The following WDR7 variants were observed in gnomAD, a reference collection of about 807,000 sequenced individuals.
The protein encoded by WDR7 is WD repeat-containing protein 7.
In WDR7, 46 loss-of-function variants were observed where a neutral mutation model predicts 169.4. The ratio of observed to expected loss-of-function variants is 0.27; its 90% CI spans 0.21 to 0.35. WDR7 has a LOEUF of 0.35. Among genes scored for constraint, WDR7 ranks in the 10% least tolerant of loss-of-function variants. WDR7 has a pLI of 1.00. For synonymous variants in WDR7, 612 were observed against 666.8 expected (o/e 0.92, Z 1.27); for missense variants, 1,534 against 1,859.3 (o/e 0.83, Z 3.22).
intron 1 of WDR7, among the ~76,000 whole-genome samples, chr18:56,667,641 A>G (rs2025052323): frequency 1.3e-5 from 2 of 152,204 alleles, no homozygotes; most frequent in South Asian, 4.1e-4. Flanking sequence ...AATAATGCCC[A>G]TCCTTTACTT....
chr18:56,930,710 T>C (rs1164833500), intron 22 of WDR7, among the ~76,000 whole-genome samples: 2 of 152,188 alleles, frequency 1.3e-5, no homozygotes, highest in Non-Finnish European at 2.9e-5. Flanking sequence ...ATACATTAAG[T>C]ATGTGTTTTT....
At chr18:56,798,145 C>G (rs12327451) in intron 19 of WDR7, among the ~76,000 whole-genome samples, 11,430 of 152,166 alleles carry the variant, frequency 0.075, 1,058 homozygotes, top group African/African-American at 0.22. Flanking sequence ...TTTTACTTGA[C>G]TTTTGTAATA....
intron 27 of WDR7, among the ~76,000 whole-genome samples, chr18:57,023,722 G>T (rs142184201): frequency 6.6e-6 from 1 of 152,244 alleles, no homozygotes; most frequent in East Asian, 1.9e-4. Context: ...TCACTTCTCT[G>T]TATCCATTGG....
At chr18:56,881,393 C>G (rs912255415) in intron 21 of WDR7, among the ~76,000 whole-genome samples, 2 of 151,986 alleles carry the variant, frequency 1.3e-5, no homozygotes, top group East Asian at 3.9e-4. Context: ...AAGTGGATCC[C>G]TCTTATCTCG....
intron 19 of WDR7, among the ~76,000 whole-genome samples, chr18:56,783,596 C>T (rs752003165): frequency 6.6e-6 from 1 of 152,024 alleles, no homozygotes; most frequent in Non-Finnish European, 1.5e-5. Context: ...CAAATGGACT[C>T]GTGTGAAGTA....
chr18:56,937,556 A>C (rs1197342652), intron 23 of WDR7, among the ~76,000 whole-genome samples: 1 of 151,978 alleles, frequency 6.6e-6, no homozygotes, highest in Non-Finnish European at 1.5e-5. Flanking sequence ...AGGGCCTGTT[A>C]ATATTCTTTC....
chr18:56,889,180 A>T (rs1247757580), intron 21 of WDR7, among the ~76,000 whole-genome samples: 4 of 152,168 alleles, frequency 2.6e-5, no homozygotes, highest in African/African-American at 9.7e-5. Context: ...TTCAGTCATG[A>T]TGGGGAGGAG....
At chr18:56,994,557 C>A (rs1030854130) in intron 26 of WDR7, among the ~76,000 whole-genome samples, 2 of 152,022 alleles carry the variant, frequency 1.3e-5, no homozygotes, top group Admixed American at 6.5e-5. Flanking sequence ...TGTGTGTTTT[C>A]TCTCCTAAAG....
intron 26 of WDR7, among the ~76,000 whole-genome samples, chr18:56,971,548 C>G (rs1255884998): frequency 6.6e-6 from 1 of 152,092 alleles, no homozygotes; most frequent in East Asian, 1.9e-4. Context: ...CCGTGCACAA[C>G]CTTTCAAGGA....
chr18:56,947,822 A>G (rs2047127636), intron 25 of WDR7, among the ~76,000 whole-genome samples: 2 of 152,234 alleles, frequency 1.3e-5, no homozygotes, highest in Admixed American at 6.5e-5. Context: ...TGATACGCAC[A>G]TGTTCCAAAA....
intron 26 of WDR7, among the ~76,000 whole-genome samples, chr18:57,013,066 G>A (rs2048159256): frequency 1.3e-5 from 2 of 152,184 alleles, no homozygotes; most frequent in African/African-American, 4.8e-5. Context: ...CAGTTTCATG[G>A]AAGACAAGTT....
At chr18:57,021,829 CAAAAT>C (rs896478826) in intron 27 of WDR7, among the ~76,000 whole-genome samples, 28 of 152,056 alleles carry the variant, frequency 1.8e-4, no homozygotes, top group African/African-American at 6.0e-4. Context: ...TAAAACAAAA[CAAAAT>C]AAAAGTTTAA....
At chr18:56,946,366 T>G (rs2047103137) in intron 25 of WDR7, among the ~76,000 whole-genome samples, 1 of 152,248 alleles carries the variant, frequency 6.6e-6, no homozygotes, top group Non-Finnish European at 1.5e-5. Context: ...TTAGTGTCCC[T>G]TCTACGAAGA....
At chr18:56,729,707 C>T (rs1459945013) in intron 13 of WDR7, among the ~76,000 whole-genome samples, 2 of 152,082 alleles carry the variant, frequency 1.3e-5, no homozygotes, top group Admixed American at 6.5e-5. Context: ...CCCAACCACA[C>T]ACATATATGT....
chr18:56,733,991 C>G (rs538595023), intron 14 of WDR7, among the ~76,000 whole-genome samples: 1 of 152,082 alleles, frequency 6.6e-6, no homozygotes, highest in Non-Finnish European at 1.5e-5. Flanking sequence ...CCTTTTCTTT[C>G]GCTGTTTTGC....
chr18:56,886,954 C>T (rs1038642584), intron 21 of WDR7, among the ~76,000 whole-genome samples: 1 of 152,130 alleles, frequency 6.6e-6, no homozygotes, highest in African/African-American at 2.4e-5. Context: ...ACACCTAACA[C>T]TGGAGCTCCC....
intron 19 of WDR7, among the ~76,000 whole-genome samples, chr18:56,810,537 G>A (rs2044850371): frequency 6.6e-6 from 1 of 152,020 alleles, no homozygotes; most frequent in Non-Finnish European, 1.5e-5. Flanking sequence ...TACAAATATG[G>A]TCAACATAAA....
intron 21 of WDR7, among the ~76,000 whole-genome samples, chr18:56,900,233 T>C (rs1374635192): frequency 6.6e-6 from 1 of 151,980 alleles, no homozygotes; most frequent in Non-Finnish European, 1.5e-5. Context: ...AGTAACTGAA[T>C]TGTACTACTT....
intron 20 of WDR7, among the ~76,000 whole-genome samples, chr18:56,827,149 A>G (rs941305513): frequency 1.3e-5 from 2 of 152,188 alleles, no homozygotes; most frequent in African/African-American, 4.8e-5. Flanking sequence ...TTAGCTGTGG[A>G]GGGAGTGAGA....
Sources: allele counts gnomAD v4.1 joint callset (sites outside exome capture counted in the v4.1 genomes callset), GRCh38; gene constraint gnomAD v4.1.1; transcripts MANE v1.5; gene names NCBI Gene and HGNC (gene_info 2026-07-23, HGNC 2026-07-21).